FNDC3A: variants seen among roughly 807,000 people sequenced by gnomAD.
FNDC3A encodes the protein fibronectin type III domain containing 3A.
FNDC3A carries 32 observed loss-of-function variants against 148.9 expected under a neutral mutation model. The observed-to-expected ratio is 0.21, with a 90% CI of 0.16 to 0.29. The LOEUF (loss-of-function observed/expected upper bound fraction) is 0.29. FNDC3A is among the 10% of genes least tolerant of loss of function. FNDC3A has a pLI of 1.00. For missense variants in FNDC3A, 1,191 were observed against 1,452.8 expected (o/e 0.82, Z 2.93); for synonymous variants, 472 against 473.6 (o/e 1.00, Z 0.04).
At chr13:49,166,195 C>T (rs1884451984) in intron 8 of FNDC3A, among the ~76,000 whole-genome samples, 1 of 152,220 alleles carries the variant, frequency 6.6e-6, no homozygotes, top group Non-Finnish European at 1.5e-5. Flanking sequence ...CTAGGGAATA[C>T]CCACTTCACT....
chr13:49,039,942 G>C (rs1039498260), intron 2 of FNDC3A, among the ~76,000 whole-genome samples: 2 of 152,226 alleles, frequency 1.3e-5, no homozygotes, highest in African/African-American at 4.8e-5. Flanking sequence ...TTGAACTCCT[G>C]ACCTCAGGTG....
upstream of FNDC3A, chr13:48,975,387 A>G (rs909735303): frequency 2.6e-4 from 40 of 152,208 alleles, no homozygotes; most frequent in African/African-American, 9.4e-4. Context: ...CACGTTTTCA[A>G]CTGAGTAAAT....
chr13:49,084,320 T>A (rs990225761), intron 3 of FNDC3A, among the ~76,000 whole-genome samples: 11 of 152,312 alleles, frequency 7.2e-5, no homozygotes, highest in African/African-American at 2.6e-4. Flanking sequence ...GGGCATTCTG[T>A]CAATATGTTA....
chr13:49,187,611 C>T, intron 16 of FNDC3A: 1 of 1,605,194 alleles, frequency 6.2e-7, no homozygotes, highest in Non-Finnish European at 8.5e-7. Flanking sequence ...CAGGGCCCTC[C>T]TCACAGTGGC....
intron 8 of FNDC3A, 97 bp from the exon 9 acceptor site, chr13:49,167,144 AAGT>A: frequency 1.6e-6 from 1 of 636,860 alleles, no homozygotes; most frequent in Non-Finnish European, 2.7e-6. Context: ...GTAAAGAAAG[AAGT>A]AGTTTCATAA....
At chr13:49,163,127 T>C (rs1291810659) in intron 8 of FNDC3A, among the ~76,000 whole-genome samples, 1 of 152,146 alleles carries the variant, frequency 6.6e-6, no homozygotes, top group Non-Finnish European at 1.5e-5. Flanking sequence ...TTCTCGGATC[T>C]CAAACTCCGT....
At chr13:49,128,650 A>G (rs1593630453) in intron 4 of FNDC3A, among the ~76,000 whole-genome samples, 1 of 151,860 alleles carries the variant, frequency 6.6e-6, no homozygotes, top group East Asian at 1.9e-4. Flanking sequence ...ATGAACTCCA[A>G]CTCCTTAATA....
In FNDC3A at chr13:49,201,716, G is replaced by T. The variant is rs1886426059; in HGVS notation, c.2988-84G>T. On this transcript the variant is annotated intron_variant, in intron 23 of 25. Coordinates refer to ENST00000492622, the MANE Select transcript of FNDC3A (RefSeq NM_001079673.2). ...TCACTCCTAAATAATGTTCATAACT[G>T]TGTTTTTATACTAGTTTGTAAAACA... 9.6e-6 allele frequency: 6 copies of T among 628,222 alleles called. No individual in the cohort carries two copies. In the South Asian group the frequency reaches 3.2e-4, roughly 33 times the overall value. The allele number at this position is 628,222 out of a possible 1,614,324, so 38.9% of individuals were successfully genotyped here.
At position 49,014,385 on chromosome 13, in the gene FNDC3A, A is replaced by C. The variant is rs1250884183; in HGVS notation, c.99+8096A>C. Among the ~76,000 whole-genome samples the C allele has an allele frequency of 1.2e-3, 138 of 117,764 alleles. 1 individual carries two copies. The highest frequency in any genetic ancestry group is 1.8e-3 in the Non-Finnish European group (101 of 56,536). 77.3% of individuals were successfully genotyped at this position (117,764 alleles called of 152,430 possible). On this transcript the variant is annotated intron_variant, in intron 2 of 25. Coordinates refer to ENST00000492622, the MANE Select transcript of FNDC3A (RefSeq NM_001079673.2). ...ATTTTTTCATGTGTTTTTTGGCTGC[A>C]TAAATGTCTTCTTTTGAGAAGTGTC...
At chr13:49,140,802 A>C (rs945114341) in intron 7 of FNDC3A, among the ~76,000 whole-genome samples, 1 of 152,214 alleles carries the variant, frequency 6.6e-6, no homozygotes, top group Non-Finnish European at 1.5e-5. Context: ...TGTAACGGTG[A>C]AGTGCCAGGA....
At chr13:49,153,461 T>G (rs1316684179) in intron 8 of FNDC3A, among the ~76,000 whole-genome samples, 3 of 152,074 alleles carry the variant, frequency 2.0e-5, no homozygotes, top group African/African-American at 7.2e-5. Flanking sequence ...TCTCCCATTT[T>G]GTAGGTTGCC....
chr13:49,059,258 A>G (rs1305456536), intron 2 of FNDC3A, among the ~76,000 whole-genome samples: 3 of 152,260 alleles, frequency 2.0e-5, no homozygotes, highest in African/African-American at 7.2e-5. Flanking sequence ...CTAAAACTAT[A>G]GAACTCTTAG....
At chr13:49,186,498 C>T (rs1885578521) in intron 15 of FNDC3A, among the ~76,000 whole-genome samples, 1 of 152,202 alleles carries the variant, frequency 6.6e-6, no homozygotes, top group African/African-American at 2.4e-5. Context: ...TTGACCCTTG[C>T]CTGAAAAATT....
At chr13:49,163,072 G>A (rs531103537) in intron 8 of FNDC3A, among the ~76,000 whole-genome samples, 1 of 152,318 alleles carries the variant, frequency 6.6e-6, no homozygotes, top group South Asian at 2.1e-4. Flanking sequence ...CTCCCAGTTA[G>A]GCTACTCGGG....
chr13:49,204,990 GT>G (rs1416481383), intron 25 of FNDC3A, among the ~76,000 whole-genome samples: 1 of 151,860 alleles, frequency 6.6e-6, no homozygotes, highest in Non-Finnish European at 1.5e-5. Context: ...ATCAGAATTT[GT>G]TTCTAAATCC....
intron 2 of FNDC3A, among the ~76,000 whole-genome samples, chr13:49,061,064 C>A (rs956374659): frequency 2.0e-5 from 3 of 151,852 alleles, no homozygotes; most frequent in Non-Finnish European, 4.4e-5. Flanking sequence ...TTAAAAGAAT[C>A]CATGAGTCCA....
At chr13:49,190,978 G>A in intron 17 of FNDC3A, 37 bp from the exon 18 acceptor site, 2 of 1,428,556 alleles carry the variant, frequency 1.4e-6, no homozygotes, top group Admixed American at 1.9e-5. Flanking sequence ...TTTGGTTTTG[G>A]GGCATTTTTG....
chr13:49,050,629 A>G (rs1875766493), intron 2 of FNDC3A, among the ~76,000 whole-genome samples: 1 of 152,220 alleles, frequency 6.6e-6, no homozygotes, highest in South Asian at 2.1e-4. Context: ...GTTGTTGGGT[A>G]GAATGTTCTG....
chr13:49,023,665 A>G (rs1324860285), intron 2 of FNDC3A, among the ~76,000 whole-genome samples: 1 of 151,984 alleles, frequency 6.6e-6, no homozygotes, highest in Non-Finnish European at 1.5e-5. Flanking sequence ...GTGCCCCAGA[A>G]TCCTGTAGAA....
Sources: gnomAD v4.1 joint callset for allele counts (sites outside exome capture counted in the v4.1 genomes callset) on GRCh38, gnomAD v4.1.1 for gene constraint, MANE v1.5 for transcripts, NCBI Gene and HGNC (gene_info 2026-07-23, HGNC 2026-07-21) for gene names.